The following MYLK4 variants were observed in gnomAD, a reference collection of about 807,000 sequenced individuals.
MYLK4 encodes caMLCK like.
A neutral mutation model predicts 48.1 loss-of-function variants in MYLK4; 46 were observed. The observed-to-expected ratio is 0.96, with a 90% CI of 0.75 to 1.22. The LOEUF (loss-of-function observed/expected upper bound fraction) is 1.22, where lower values mean the gene tolerates loss of function less well. Ranked by LOEUF, MYLK4 falls within the 50% of genes most tolerant of loss-of-function variation. The probability of loss-of-function intolerance (pLI) is 0.00; values close to 1 mark genes in which losing one functional copy is unlikely to be tolerated. For missense variants in MYLK4, 451 were observed against 486.1 expected (o/e 0.93, Z 0.68); for synonymous variants, 170 against 180.8 (o/e 0.94, Z 0.48).
At chr6:2,705,689 G>A (rs1035927749) in intron 2 of MYLK4, among the ~76,000 whole-genome samples, 7 of 152,122 alleles carry the variant, frequency 4.6e-5, no homozygotes, top group Non-Finnish European at 8.8e-5. Context: ...GGCAGAACAA[G>A]AAGAAATCTG....
intron 2 of MYLK4, among the ~76,000 whole-genome samples, chr6:2,700,719 C>T (rs562182835): frequency 6.2e-4 from 95 of 152,286 alleles, no homozygotes; most frequent in Non-Finnish European, 1.1e-3. Context: ...AAAAATCCAA[C>T]GTTGCCAACC....
At chr6:2,770,369 G>A in the MYLK4 span, 2 of 1,613,970 alleles carry the variant, frequency 1.2e-6, no homozygotes, top group South Asian at 1.1e-5. Context: ...AGAGTAAGTT[G>A]ACAGTGTGCA....
chr6:2,710,830 C>T lies in MYLK4; in HGVS notation c.160-17971G>A, dbSNP rs559944485. 3.0e-4 allele frequency among the ~76,000 whole-genome samples: 45 copies of T among 152,328 alleles called. 1 individual carries two copies. The East Asian group carries it at 7.5e-3, about 25-fold the overall frequency. On this transcript the variant is annotated intron_variant, in intron 2 of 12. Transcript: ENST00000274643. ...TAAAGTTGGTGTTTAAAAGCCTGAA[C>T]AGGATGAAGGGCTGTGTCATAGCAC...
chr6:2,770,308 A>C, the MYLK4 span: 1 of 1,614,178 alleles, frequency 6.2e-7, no homozygotes, highest in Middle Eastern at 1.6e-4. Flanking sequence ...TCCACGTCCT[A>C]GACTCTAGCC....
chr6:2,697,621 G>A (rs1177846172), intron 2 of MYLK4, among the ~76,000 whole-genome samples: 1 of 152,166 alleles, frequency 6.6e-6, no homozygotes, highest in African/African-American at 2.4e-5. Context: ...TCATTCAACT[G>A]AACAACATCG....
At chr6:2,741,392 T>C (rs560103739) in intron 2 of MYLK4, among the ~76,000 whole-genome samples, 11 of 152,330 alleles carry the variant, frequency 7.2e-5, no homozygotes, top group Admixed American at 5.2e-4. Flanking sequence ...CTTTTTCTCA[T>C]ATTAAAACAA....
At chr6:2,741,107 G>GA (rs1463442316) in intron 2 of MYLK4, among the ~76,000 whole-genome samples, 1 of 136,254 alleles carries the variant, frequency 7.3e-6, no homozygotes, top group South Asian at 2.4e-4. Context: ...TGACTCATAT[G>GA]AAAAATATTA....
At chr6:2,698,367 G>T (rs914224634) in intron 2 of MYLK4, among the ~76,000 whole-genome samples, 8 of 152,138 alleles carry the variant, frequency 5.3e-5, no homozygotes, top group Non-Finnish European at 7.4e-5. Context: ...CAACAAGGGG[G>T]TTATCAGGAT....
intron 2 of MYLK4, among the ~76,000 whole-genome samples, chr6:2,746,110 A>T (rs1582130109): frequency 1.3e-5 from 2 of 150,170 alleles, no homozygotes; most frequent in African/African-American, 2.4e-5. Context: ...AAAAAATATA[A>T]AAAAAAATGA....
intron 2 of MYLK4, among the ~76,000 whole-genome samples, chr6:2,725,791 C>G (rs1204896885): frequency 2.0e-5 from 3 of 152,184 alleles, no homozygotes; most frequent in Admixed American, 2.0e-4. Flanking sequence ...CATCAGAATT[C>G]AAAGTACGTC....
chr6:2,748,757 C>T (rs773257257), intron 2 of MYLK4, among the ~76,000 whole-genome samples: 5 of 152,200 alleles, frequency 3.3e-5, no homozygotes, highest in South Asian at 2.1e-4. Flanking sequence ...CTGTCTACCG[C>T]GTGAGGAACT....
In MYLK4 at chr6:2,691,089, T is replaced by G. The variant is rs112830186; in HGVS notation, c.235+1695A>C. ...TCGTGATCCAACTGCCTCAGCCTCC[T>G]AAAGTGCTGGGATTACAGGCGTGAG... On this transcript the variant is annotated intron_variant, in intron 3 of 12. Transcript: ENST00000274643. Among the ~76,000 whole-genome samples, 3 of 152,186 alleles carry G rather than the reference T, an allele frequency of 2.0e-5. No individual in the cohort carries two copies. In the East Asian group the frequency reaches 5.8e-4, roughly 29 times the overall value.
At chr6:2,732,386 G>A (rs1050267626) in intron 2 of MYLK4, among the ~76,000 whole-genome samples, 2 of 152,228 alleles carry the variant, frequency 1.3e-5, no homozygotes, top group South Asian at 2.1e-4. Flanking sequence ...ACAGCTCATC[G>A]TGATGGGCAC....
intron 1 of MYLK4, among the ~76,000 whole-genome samples, chr6:2,749,705 G>A (rs77300850): frequency 6.6e-6 from 1 of 152,288 alleles, no homozygotes; most frequent in East Asian, 1.9e-4. Context: ...GGCCAGCTTG[G>A]ATGTAAATTA....
At chr6:2,675,863 C>A (rs550306852) in intron 10 of MYLK4, among the ~76,000 whole-genome samples, 4 of 151,982 alleles carry the variant, frequency 2.6e-5, no homozygotes, top group Admixed American at 6.6e-5. Context: ...GAGGCCGAGG[C>A]GGGTGGATCA....
At chr6:2,731,033 T>C (rs1032256844) in intron 2 of MYLK4, among the ~76,000 whole-genome samples, 1 of 152,106 alleles carries the variant, frequency 6.6e-6, no homozygotes, top group African/African-American at 2.4e-5. Flanking sequence ...AAAAGCTAAT[T>C]CAGGCTGGAT....
the MYLK4 span, chr6:2,765,539 G>T: frequency 3.0e-6 from 4 of 1,330,976 alleles, no homozygotes; most frequent in Non-Finnish European, 2.9e-6. Flanking sequence ...TCGCGGCGCG[G>T]GGCCTAGCGG....
intron 2 of MYLK4, among the ~76,000 whole-genome samples, chr6:2,726,612 T>C (rs1763282865): frequency 1.0e-5 from 1 of 98,772 alleles, no homozygotes; most frequent in South Asian, 3.1e-4. Flanking sequence ...ACAATTTTTT[T>C]TTTTTTTTTT....
intron 2 of MYLK4, among the ~76,000 whole-genome samples, chr6:2,711,888 T>C (rs1762687182): frequency 6.6e-6 from 1 of 152,224 alleles, no homozygotes; most frequent in African/African-American, 2.4e-5. Context: ...TAAATGTTTT[T>C]CAAAATAACT....
Sources: gnomAD v4.1 joint callset for allele counts (sites outside exome capture counted in the v4.1 genomes callset) on GRCh38, gnomAD v4.1.1 for gene constraint, MANE v1.5 for transcripts, NCBI Gene and HGNC (gene_info 2026-07-23, HGNC 2026-07-21) for gene names.